The following GALNT14 variants were observed in gnomAD, a reference collection of about 807,000 sequenced individuals.
GALNT14 encodes polypeptide N-acetylgalactosaminyltransferase 14.
GALNT14 carries 60 observed loss-of-function variants against 77.5 expected under a neutral mutation model. That is an observed-to-expected ratio of 0.77 (90% CI 0.63 to 0.96). GALNT14 has a LOEUF of 0.96. GALNT14 is among the 40% of genes least tolerant of loss of function. The pLI, the probability that GALNT14 is intolerant of heterozygous loss-of-function variation, is 0.00. For missense variants in GALNT14, 710 were observed against 731.0 expected (o/e 0.97, Z 0.33); for synonymous variants, 280 against 281.7 (o/e 0.99, Z 0.06).
At chr2:31,128,401 T>C (rs1392925904) in intron 1 of GALNT14, among the ~76,000 whole-genome samples, 1 of 152,216 alleles carries the variant, frequency 6.6e-6, no homozygotes, top group African/African-American at 2.4e-5. Flanking sequence ...TAAAGTCACT[T>C]CCTGGAGTCA....
At chr2:31,093,507 G>A (rs1162143022) in intron 1 of GALNT14, among the ~76,000 whole-genome samples, 2 of 152,142 alleles carry the variant, frequency 1.3e-5, no homozygotes, top group Non-Finnish European at 2.9e-5. Flanking sequence ...TAGAGGAGAG[G>A]CCATGTCCCC....
intron 6 of GALNT14, among the ~76,000 whole-genome samples, chr2:30,955,263 CACCCA>C (rs1667288894): frequency 6.6e-6 from 1 of 152,138 alleles, no homozygotes; most frequent in South Asian, 2.1e-4. Flanking sequence ...CTACAAAAGA[CACCCA>C]TAAGGGTTCC....
intron 2 of GALNT14, among the ~76,000 whole-genome samples, chr2:30,976,317 G>C (rs923086357): frequency 6.6e-6 from 1 of 152,184 alleles, no homozygotes; most frequent in Non-Finnish European, 1.5e-5. Flanking sequence ...AAAGAACGTA[G>C]ACTCCTCTGG....
intron 1 of GALNT14, among the ~76,000 whole-genome samples, chr2:31,030,819 C>T (rs1672360087): frequency 6.6e-6 from 1 of 152,198 alleles, no homozygotes; most frequent in Non-Finnish European, 1.5e-5. Flanking sequence ...CGGTACTGAT[C>T]ACCAACTGTC....
intron 1 of GALNT14, among the ~76,000 whole-genome samples, chr2:31,063,100 T>C (rs534298685): frequency 9.2e-5 from 14 of 152,342 alleles, no homozygotes; most frequent in Admixed American, 1.3e-4. Context: ...TTTGTTGCAA[T>C]TGCTTTTGGT....
intron 1 of GALNT14, among the ~76,000 whole-genome samples, chr2:31,035,542 G>A (rs1672662605): frequency 7.6e-6 from 1 of 131,702 alleles, no homozygotes; most frequent in African/African-American, 2.8e-5. Context: ...ATGGTAGACT[G>A]GATAAAGAAA....
chr2:31,053,651 C>A (rs1674034240), intron 1 of GALNT14, among the ~76,000 whole-genome samples: 1 of 152,190 alleles, frequency 6.6e-6, no homozygotes, highest in South Asian at 2.1e-4. Flanking sequence ...GATGGTCCTG[C>A]CGCCACTAAA....
chr2:31,010,434 C>T (rs1161323638), intron 1 of GALNT14, among the ~76,000 whole-genome samples: 1 of 152,128 alleles, frequency 6.6e-6, no homozygotes, highest in Non-Finnish European at 1.5e-5. Flanking sequence ...CCCATCTCTA[C>T]TAAAAATACA....
At chr2:31,010,611 T>C (rs1466448932) in intron 1 of GALNT14, among the ~76,000 whole-genome samples, 2 of 152,070 alleles carry the variant, frequency 1.3e-5, no homozygotes, top group Non-Finnish European at 2.9e-5. Flanking sequence ...AGAGACTCTG[T>C]CTCAAGATGA....
chr2:30,986,574 C>T (rs550863439), intron 2 of GALNT14, among the ~76,000 whole-genome samples: 20 of 152,306 alleles, frequency 1.3e-4, no homozygotes, highest in Middle Eastern at 3.4e-3. Context: ...GTAATTGTGG[C>T]TAATAGTTCT....
At position 31,119,703 on chromosome 2, in the gene GALNT14, CA is replaced by C. The variant is rs781694336; in HGVS notation, c.129+18254del. On this transcript the variant is annotated intron_variant, in intron 1 of 14. Coordinates refer to ENST00000349752, the MANE Select transcript of GALNT14 (RefSeq NM_024572.4). ...TTCCCACTCCTCAAAAGTTATACTT[CA>C]GAAGCAAAAGCTCTAACATGTAAGA... 1.4e-4 allele frequency among the ~76,000 whole-genome samples: 22 copies of C among 152,308 alleles called. 1 individual carries two copies. In the East Asian group the frequency reaches 1.7e-3, roughly 12 times the overall value.
chr2:30,893,169 T>C, the GALNT14 span, among the ~76,000 whole-genome samples: 6 of 152,050 alleles, frequency 3.9e-5, no homozygotes, highest in Admixed American at 3.3e-4. Context: ...AAATTAGAGA[T>C]TGGAGAAGAA....
the GALNT14 span, among the ~76,000 whole-genome samples, chr2:30,894,798 C>T: frequency 8.5e-5 from 13 of 152,322 alleles, no homozygotes; most frequent in East Asian, 1.9e-3. Context: ...TCTTAGCCTA[C>T]GGCCCCCCAT....
intron 1 of GALNT14, chr2:31,114,803 A>C (rs1192093689): frequency 1.4e-6 from 1 of 717,588 alleles, no homozygotes; most frequent in Non-Finnish European, 2.6e-6. Context: ...GAGACATGGG[A>C]AATGACATAC....
rs755946199 is a variant in GALNT14, at chr2:31,037,811, G to T, written c.130-44804C>A. Among the ~76,000 whole-genome samples the T allele has an allele frequency of 4.0e-5, 6 of 151,800 alleles. No individual in the cohort carries two copies. The South Asian group carries it at 6.2e-4, about 16-fold the overall frequency. On this transcript the variant is annotated intron_variant, in intron 1 of 14. Coordinates refer to ENST00000349752, the MANE Select transcript of GALNT14 (RefSeq NM_024572.4). ...CAGACTTCGCTGAGAGGCTCTGTGT[G>T]TGTGTTGGAGCACACTTTCTACACT...
intron 13 of GALNT14, among the ~76,000 whole-genome samples, chr2:30,923,893 A>G (rs181169224): frequency 6.6e-6 from 1 of 152,372 alleles, no homozygotes; most frequent in East Asian, 1.9e-4. Flanking sequence ...TATAGGCAGG[A>G]TGCTGCCTAT....
At chr2:30,929,584 A>T (rs911858089) in intron 10 of GALNT14, 97 bp from the exon 11 acceptor site, 9 of 841,552 alleles carry the variant, frequency 1.1e-5, no homozygotes, top group Non-Finnish European at 1.5e-5. Flanking sequence ...CTGAGTTGGC[A>T]ACACCACCTA....
intron 1 of GALNT14, among the ~76,000 whole-genome samples, chr2:31,109,303 T>C (rs1327701602): frequency 2.6e-5 from 4 of 152,202 alleles, no homozygotes; most frequent in African/African-American, 7.2e-5. Context: ...TGACTGCCTA[T>C]GTAACATTTC....
intron 1 of GALNT14, among the ~76,000 whole-genome samples, chr2:31,004,144 T>C (rs1362200577): frequency 2.0e-5 from 3 of 152,192 alleles, no homozygotes; most frequent in Admixed American, 6.5e-5. Flanking sequence ...TCCCCTTCTC[T>C]TTGTGTTCAG....
Sources: gnomAD v4.1 joint callset for allele counts (sites outside exome capture counted in the v4.1 genomes callset) on GRCh38, gnomAD v4.1.1 for gene constraint, MANE v1.5 for transcripts, NCBI Gene and HGNC (gene_info 2026-07-23, HGNC 2026-07-21) for gene names.